HYDIN: variants seen among roughly 807,000 people sequenced by gnomAD.
HYDIN encodes axonemal central pair apparatus protein HYDIN.
A neutral mutation model predicts 403.9 loss-of-function variants in HYDIN; 132 were observed. That is an observed-to-expected ratio of 0.33 (90% CI 0.28 to 0.38). The LOEUF (loss-of-function observed/expected upper bound fraction) is 0.38, where lower values mean the gene tolerates loss of function less well. Among genes scored for constraint, HYDIN ranks in the 10% least tolerant of loss-of-function variants. HYDIN has a pLI of 1.00. For synonymous variants in HYDIN, 1,202 were observed against 1,891.7 expected, an observed-to-expected ratio of 0.64 and a Z score of 9.46; for missense variants, 2,827 against 5,009.5, an observed-to-expected ratio of 0.56 and a Z score of 13.15.
At chr16:71,208,700 C>G (rs1475984069) in intron 1 of HYDIN, among the ~76,000 whole-genome samples, 2 of 152,152 alleles carry the variant, frequency 1.3e-5, no homozygotes, top group African/African-American at 4.8e-5. Context: ...CAAATAAACA[C>G]AATGAGAAAT....
chr16:71,126,979 A>G (rs1693759531), intron 9 of HYDIN, among the ~76,000 whole-genome samples: 1 of 152,090 alleles, frequency 6.6e-6, no homozygotes, highest in Admixed American at 6.5e-5. Context: ...TTCCCATTAA[A>G]TACCTTTAAA....
chr16:71,081,197 T>C (rs1409960504), intron 12 of HYDIN, among the ~76,000 whole-genome samples: 2 of 152,206 alleles, frequency 1.3e-5, no homozygotes, highest in African/African-American at 4.8e-5. Flanking sequence ...TTTTTCTCCA[T>C]GATCCATGTA....
intron 21 of HYDIN, among the ~76,000 whole-genome samples, chr16:71,020,685 T>C (rs1045372716): frequency 1.3e-5 from 2 of 151,652 alleles, no homozygotes; most frequent in African/African-American, 4.9e-5. Context: ...GGCAGGCACC[T>C]GTAATCCCAG....
intron 2 of HYDIN, among the ~76,000 whole-genome samples, chr16:71,185,697 C>T (rs1216321495): frequency 6.6e-6 from 1 of 152,084 alleles, no homozygotes; most frequent in Non-Finnish European, 1.5e-5. Flanking sequence ...ATAAAACTAA[C>T]CCAACAAGGG....
intron 18 of HYDIN, among the ~76,000 whole-genome samples, chr16:71,055,981 G>A (rs368535117): frequency 1.5e-4 from 23 of 152,180 alleles, no homozygotes; most frequent in African/African-American, 5.1e-4. Context: ...AGGGCCCTGG[G>A]GCACTGCTGC....
At chr16:70,927,762 G>A (rs796845118) in intron 45 of HYDIN, among the ~76,000 whole-genome samples, 21 of 152,300 alleles carry the variant, frequency 1.4e-4, no homozygotes, top group Admixed American at 7.2e-4. Context: ...CAATCATGCC[G>A]ACAGCCGACA....
chr16:71,178,912 CA>C lies in HYDIN; in HGVS notation c.381+15del. 4 of 1,604,630 alleles carry C rather than the reference CA, an allele frequency of 2.5e-6. No homozygotes were observed. The highest frequency in any genetic ancestry group is 3.4e-6 in the Non-Finnish European group (4 of 1,174,722). On this transcript the variant is annotated intron_variant, in intron 4 of 85. Coordinates refer to ENST00000393567, the MANE Select transcript of HYDIN (RefSeq NM_001270974.2). The stretch of plus-strand genomic sequence containing the variant: ...ATATCCTGGAACAGTTCACCCACCC[CA>C]GTGAACATACTCACTTTGTCATTGT...
chr16:70,818,351 G>T lies in HYDIN; in HGVS notation c.14649C>A (p.Ala4883=). The part of the protein sequence containing the change: ...IALPSQFVVP[A]NSEGTFSFEF... The stretch of plus-strand genomic sequence containing the variant: ...AGCCAAGGGGCCGTACCTCGGAGTT[G>T]GCAGGCACCACAAACTGGGAGGGCA... Residue 4883 remains alanine (A), a synonymous_variant, in exon 84 of 86, where the codon GCC becomes GCA. Coordinates refer to ENST00000393567, the MANE Select transcript of HYDIN (RefSeq NM_001270974.2). 1 of 1,613,012 alleles carries T rather than the reference G, an allele frequency of 6.2e-7. No homozygotes were observed. The highest frequency in any genetic ancestry group is 2.2e-5 in the East Asian group (1 of 44,834).
At chr16:71,000,877 G>C (rs2079684057) in intron 23 of HYDIN, among the ~76,000 whole-genome samples, 1 of 152,174 alleles carries the variant, frequency 6.6e-6, no homozygotes, top group Non-Finnish European at 1.5e-5. Context: ...TGCTCTCAGG[G>C]GACTTCAAAT....
rs2035143678 is a variant in HYDIN, at chr16:70,807,157, T to TAAAA, written c.*422_*423insTTTT. On this transcript the variant is annotated 3_prime_UTR_variant, in exon 86 of 86. Coordinates refer to ENST00000393567, the MANE Select transcript of HYDIN (RefSeq NM_001270974.2). Reference sequence around the variant, plus strand: ...AGCAGAATAAAATGCCACATCAAAATAGTCATGTCTAAGGGCTTTTTAAAC... The same window carrying TAAAA: ...AGCAGAATAAAATGCCACATCAAAATAAAAAGTCATGTCTAAGGGCTTTTTAAAC... Among the ~76,000 whole-genome samples the TAAAA allele has an allele frequency of 2.0e-5, 3 of 152,222 alleles. No homozygotes were observed. The highest frequency in any genetic ancestry group is 7.2e-5 in the African/African-American group (3 of 41,448).
intron 23 of HYDIN, among the ~76,000 whole-genome samples, chr16:70,996,463 G>A (rs1245849972): frequency 2.0e-5 from 3 of 151,976 alleles, no homozygotes; most frequent in Non-Finnish European, 4.4e-5. Context: ...TGGGGTCAGA[G>A]GGCTTGGGTT....
At chr16:71,219,711 T>C (rs974891671) in intron 1 of HYDIN, among the ~76,000 whole-genome samples, 1 of 152,220 alleles carries the variant, frequency 6.6e-6, no homozygotes, top group Non-Finnish European at 1.5e-5. Flanking sequence ...TCAAATTAAA[T>C]TGCATTAGAG....
chr16:70,807,641 G>A lies in HYDIN; in HGVS notation c.15305C>T (p.Pro5102Leu). The A allele has an allele frequency of 6.2e-7, 1 of 1,614,174 alleles. No individual in the cohort carries two copies. Among genetic ancestry groups the A allele is most frequent in the Non-Finnish European group, 8.5e-7 (1 of 1,180,024 alleles). ...AACTCCAGTCTCACTCCCTTCACCA[G>A]GAGGGCAGCTCACAGTCAGCTTGGT... ...ITTKLTVSCP[P>L]GEGSETGVKW... Residue 5102 changes from proline to leucine, a missense_variant, in exon 86 of 86, where the codon CCT (proline) becomes CTT (leucine). Physicochemically the swap from Pro to Leu is moderately conservative, Grantham distance 98. Coordinates refer to ENST00000393567, the MANE Select transcript of HYDIN (RefSeq NM_001270974.2).
intron 1 of HYDIN, among the ~76,000 whole-genome samples, chr16:71,217,602 G>A (rs961666864): frequency 2.6e-5 from 4 of 152,176 alleles, no homozygotes; most frequent in African/African-American, 9.7e-5. Context: ...ATGAGAAGTT[G>A]AACCTGACCT....
intron 38 of HYDIN, 51 bp from the exon 39 acceptor site, chr16:70,959,871 G>C: frequency 3.5e-6 from 2 of 570,706 alleles, no homozygotes; most frequent in Non-Finnish European, 6.1e-6. Context: ...ATGCTACACA[G>C]CCGGAATTTA....
intron 43 of HYDIN, among the ~76,000 whole-genome samples, chr16:70,940,389 G>A (rs370131263): frequency 6.6e-6 from 1 of 151,956 alleles, no homozygotes; most frequent in Admixed American, 6.6e-5. Context: ...ACATACGGCC[G>A]TTGTAGAGAT....
chr16:70,996,074 G>C (rs1364981421), intron 23 of HYDIN, among the ~76,000 whole-genome samples: 1 of 150,516 alleles, frequency 6.6e-6, no homozygotes, highest in Non-Finnish European at 1.5e-5. Flanking sequence ...AGCTATGAGA[G>C]CCCAGCCTCC....
intron 23 of HYDIN, among the ~76,000 whole-genome samples, chr16:71,003,268 G>T (rs2144079051): frequency 6.6e-6 from 1 of 152,224 alleles, no homozygotes; most frequent in South Asian, 2.1e-4. Context: ...TCAGGATTCT[G>T]ATTGGAAGTA....
In HYDIN at chr16:71,120,587, A is replaced by G. The variant is rs557331009; in HGVS notation, c.1228-4792T>C. Among the ~76,000 whole-genome samples, 32 of 151,658 alleles carry G rather than the reference A, an allele frequency of 2.1e-4. No homozygotes were observed. The East Asian group carries it at 4.3e-3, about 20-fold the overall frequency. ...TCACCTTTTAAAAATTATATCAGCAATACTTACAGGGGATCTTTAAAAAAA... is the reference window on the plus strand; with the variant it reads ...TCACCTTTTAAAAATTATATCAGCAGTACTTACAGGGGATCTTTAAAAAAA... On this transcript the variant is annotated intron_variant, in intron 9 of 85. Transcript: ENST00000393567.
Sources: gnomAD v4.1 joint callset for allele counts (sites outside exome capture counted in the v4.1 genomes callset) on GRCh38, gnomAD v4.1.1 for gene constraint, MANE v1.5 for transcripts, NCBI Gene and HGNC (gene_info 2026-07-23, HGNC 2026-07-21) for gene names.